Variants in SRGAP2 observed in about 807,000 individuals in gnomAD.
SRGAP2 encodes the protein SLIT-ROBO Rho GTPase activating protein 2, also known as SLIT-ROBO Rho GTPase-activating protein 2.
In SRGAP2, 15 loss-of-function variants were observed where a neutral mutation model predicts 57.2. The ratio of observed to expected loss-of-function variants is 0.26; its 90% CI spans 0.18 to 0.40. The LOEUF (loss-of-function observed/expected upper bound fraction) is 0.40, where lower values mean the gene tolerates loss of function less well. SRGAP2 is among the 10% of genes least tolerant of loss of function. The pLI, the probability that SRGAP2 is intolerant of heterozygous loss-of-function variation, is 1.00. For synonymous variants in SRGAP2, 249 were observed against 248.0 expected, an observed-to-expected ratio of 1.00 and a Z score of -0.04; for missense variants, 520 against 669.6, an observed-to-expected ratio of 0.78 and a Z score of 2.47.
intron 2 of SRGAP2, among the ~76,000 whole-genome samples, chr1:206,259,240 T>C (rs1553313028): frequency 6.6e-6 from 1 of 151,434 alleles, no homozygotes; most frequent in African/African-American, 2.4e-5. Flanking sequence ...TTAGTTGGGT[T>C]GACTGGGGCA....
At chr1:206,409,655 G>A (rs1394844412) in intron 10 of SRGAP2, among the ~76,000 whole-genome samples, 1 of 151,646 alleles carries the variant, frequency 6.6e-6, no homozygotes, top group Non-Finnish European at 1.5e-5. Context: ...GGTGGCAGGC[G>A]CCTGTAATCC....
chr1:206,423,217 C>T (rs1217213198), intron 13 of SRGAP2, among the ~76,000 whole-genome samples: 1 of 152,184 alleles, frequency 6.6e-6, no homozygotes, highest in East Asian at 1.9e-4. Context: ...CATTATTTCT[C>T]TCCTGGCCAT....
Position 206,359,798 on chromosome 1 carries a change from C to CTTTTTTTTT in SRGAP2, c.423+16808_423+16816dup, listed in dbSNP as rs1166916482. Among the ~76,000 whole-genome samples, 7 of 70,228 alleles carry CTTTTTTTTT rather than the reference C, an allele frequency of 1.0e-4. 1 individual carries two copies. The highest frequency in any genetic ancestry group is 3.5e-4 in the African/African-American group (6 of 16,910). The allele number at this position is 70,228 out of a possible 152,430, so 46.1% of individuals were successfully genotyped here. The stretch of plus-strand genomic sequence containing the variant: ...AGGATGGGGTACAAGGGATATTGCT[C>CTTTTTTTTT]TTTTTTTTTTTTTTTTTTTTTTTTT... On this transcript the variant is annotated intron_variant, in intron 4 of 22. Coordinates refer to ENST00000573034, the MANE Select transcript of SRGAP2 (RefSeq NM_015326.5).
chr1:206,447,770 G>A (rs543149465), intron 18 of SRGAP2, among the ~76,000 whole-genome samples: 58 of 152,312 alleles, frequency 3.8e-4, no homozygotes, highest in African/African-American at 1.3e-3. Context: ...AACCACTGCA[G>A]GCTCTGGTCC....
At chr1:206,375,548 G>C (rs1184472916) in intron 4 of SRGAP2, among the ~76,000 whole-genome samples, 1 of 152,164 alleles carries the variant, frequency 6.6e-6, no homozygotes, top group Non-Finnish European at 1.5e-5. Context: ...TTTGTTTTAA[G>C]GGATGTTGTT....
chr1:206,446,399 C>T (rs1391163594), intron 18 of SRGAP2, 100 bp downstream of exon 18: 1 of 721,262 alleles, frequency 1.4e-6, no homozygotes. Context: ...CACCCAGATC[C>T]TCCCAACTCC....
At chr1:206,363,700 A>T (rs1553341043) in intron 4 of SRGAP2, among the ~76,000 whole-genome samples, 1 of 151,924 alleles carries the variant, frequency 6.6e-6, no homozygotes, top group African/African-American at 2.4e-5. Flanking sequence ...AATGTTCCTC[A>T]ATTTTGGTTT....
chr1:206,363,479 C>T (rs1390622076), intron 4 of SRGAP2, among the ~76,000 whole-genome samples: 2 of 152,120 alleles, frequency 1.3e-5, no homozygotes, highest in Non-Finnish European at 2.9e-5. Context: ...AGGAAATTAA[C>T]ACGGAGGTAA....
At position 206,318,872 on chromosome 1, in the gene SRGAP2, C is replaced by T. The variant is rs570983204; in HGVS notation, c.260+15399C>T. Among the ~76,000 whole-genome samples, 1,023 of 151,736 alleles carry T rather than the reference C, an allele frequency of 6.7e-3. 10 individuals are homozygous for T. Among genetic ancestry groups the T allele is most frequent in the Non-Finnish European group, 0.011 (726 of 67,980 alleles). On this transcript the variant is annotated intron_variant, in intron 3 of 22. Transcript: ENST00000573034. ...CATGACCCAGTCACTTCCCACCAGG[C>T]CCCACCTCCAACATTTGGAATCACA... is the stretch of plus-strand genomic sequence containing the variant.
intron 4 of SRGAP2, among the ~76,000 whole-genome samples, chr1:206,364,467 A>C (rs1167520372): frequency 6.6e-5 from 10 of 151,706 alleles, no homozygotes; most frequent in South Asian, 2.1e-4. Flanking sequence ...TGCCTGGCTA[A>C]TTTTTGTATA....
intron 3 of SRGAP2, among the ~76,000 whole-genome samples, chr1:206,334,501 C>G (rs1165592783): frequency 6.6e-6 from 1 of 152,074 alleles, no homozygotes; most frequent in Non-Finnish European, 1.5e-5. Flanking sequence ...TAAGGGGACT[C>G]ATTGTCCCAG....
intron 2 of SRGAP2, among the ~76,000 whole-genome samples, chr1:206,213,736 A>G (rs559418057): frequency 6.6e-6 from 1 of 152,280 alleles, no homozygotes; most frequent in African/African-American, 2.4e-5. Context: ...CCTGGCCAAC[A>G]TGGTAAAACC....
intron 14 of SRGAP2, among the ~76,000 whole-genome samples, chr1:206,435,216 C>T (rs753921365): frequency 2.6e-5 from 4 of 152,164 alleles, no homozygotes; most frequent in African/African-American, 7.2e-5. Flanking sequence ...ATATCAGTCC[C>T]GGCCTATGTG....
chr1:206,442,176 C>A (rs1662365416), intron 17 of SRGAP2, among the ~76,000 whole-genome samples: 1 of 152,184 alleles, frequency 6.6e-6, no homozygotes, highest in Non-Finnish European at 1.5e-5. Flanking sequence ...TCATGTAGCC[C>A]CCTTGCTGGC....
At position 206,206,015 on chromosome 1, in the gene SRGAP2, A is replaced by T. The variant is rs1372504427; in HGVS notation, c.45A>T (p.Ala15=). 1 of 1,548,556 alleles carries T rather than the reference A, an allele frequency of 6.5e-7. No homozygotes were observed. Among genetic ancestry groups the T allele is most frequent in the East Asian group, 2.4e-5 (1 of 40,908 alleles). The change falls in exon 2 of 23, where the codon GCA becomes GCT. Residue 15 remains alanine, a synonymous_variant. Coordinates refer to ENST00000573034, the MANE Select transcript of SRGAP2 (RefSeq NM_015326.5). ...AKFKKDKEII[A]EYDTQVKEIR... ...TCAAAAAGGATAAGGAGATCATAGC[A>T]GAGTACGATACTCAGGTCAAAGGTA... is the stretch of plus-strand genomic sequence containing the variant.
At chr1:206,374,110 C>T (rs1206065220) in intron 4 of SRGAP2, among the ~76,000 whole-genome samples, 9 of 149,128 alleles carry the variant, frequency 6.0e-5, no homozygotes, top group East Asian at 6.0e-4. Context: ...CTGCAAGCTC[C>T]GCCTCCCGGG....
chr1:206,416,722 A>G (rs184149177), intron 11 of SRGAP2, among the ~76,000 whole-genome samples: 1 of 152,204 alleles, frequency 6.6e-6, no homozygotes, highest in Admixed American at 6.5e-5. Flanking sequence ...TCAGCATCCT[A>G]TGATTAATGG....
At chr1:206,249,151 G>C (rs1169779919) in intron 2 of SRGAP2, among the ~76,000 whole-genome samples, 1 of 151,028 alleles carries the variant, frequency 6.6e-6, no homozygotes, top group Non-Finnish European at 1.5e-5. Flanking sequence ...GGGCCCTGCT[G>C]TTCCCTCTGC....
intron 3 of SRGAP2, among the ~76,000 whole-genome samples, chr1:206,338,994 T>C (rs868978538): frequency 5.9e-5 from 9 of 151,804 alleles, no homozygotes; most frequent in Non-Finnish European, 8.8e-5. Context: ...GAATCAGTTA[T>C]AGTTTGATAT....
Sources: allele counts gnomAD v4.1 joint callset (sites outside exome capture counted in the v4.1 genomes callset), GRCh38; gene constraint gnomAD v4.1.1; transcripts MANE v1.5; gene names NCBI Gene and HGNC (gene_info 2026-07-23, HGNC 2026-07-21).